RBKS: variants seen among roughly 807,000 people sequenced by gnomAD.
The protein encoded by RBKS is ribokinase.
In RBKS, 33 loss-of-function variants were observed where a neutral mutation model predicts 33.9. That is an observed-to-expected ratio of 0.97 (90% CI 0.74 to 1.30). The LOEUF is 1.30. Ranked by LOEUF, RBKS falls within the 50% of genes most tolerant of loss-of-function variation. RBKS has a pLI of 0.00. For synonymous variants in RBKS, 125 were observed against 143.0 expected (o/e 0.87, Z 0.90); for missense variants, 361 against 392.6 (o/e 0.92, Z 0.68).
intron 2 of RBKS, 27 bp from the exon 3 acceptor site, chr2:27,848,124 G>A (rs1410694313): frequency 7.8e-7 from 1 of 1,289,768 alleles, no homozygotes. Context: ...ATGAATATTA[G>A]ATCTTTTAGA....
In RBKS at chr2:27,818,338, A is replaced by G. The variant is rs910762802; in HGVS notation, c.795+9229T>C. 3.3e-4 allele frequency among the ~76,000 whole-genome samples: 50 copies of G among 152,178 alleles called. 1 individual carries two copies. Among genetic ancestry groups the G allele is most frequent in the Non-Finnish European group, 1.8e-4 (12 of 68,020 alleles). ...TGGCCGCTTCTGAAGATCTATAGAC[A>G]AGGAGCCTGTATCATGACAAGTGAC... On this transcript the variant is annotated intron_variant, in intron 7 of 7. Transcript: ENST00000302188.
intron 1 of RBKS, among the ~76,000 whole-genome samples, chr2:27,885,720 T>C (rs1222296529): frequency 1.3e-5 from 2 of 152,234 alleles, no homozygotes; most frequent in South Asian, 2.1e-4. Context: ...TAACTTACTA[T>C]GTAATTAACT....
At chr2:27,801,988 ATATATTTTTT>A (rs1239966209) in intron 7 of RBKS, among the ~76,000 whole-genome samples, 2 of 86,890 alleles carry the variant, frequency 2.3e-5, no homozygotes, top group Non-Finnish European at 2.0e-5. Flanking sequence ...ATATATATAT[ATATATTTTTT>A]TTTTTTTTTT....
At chr2:27,841,263 T>C (rs1300535701) in intron 5 of RBKS, among the ~76,000 whole-genome samples, 1 of 152,082 alleles carries the variant, frequency 6.6e-6, no homozygotes, top group Non-Finnish European at 1.5e-5. Flanking sequence ...CTTTCTCTCC[T>C]TCACAAGCAG....
At chr2:27,789,900 A>AGT (rs1029819436) in intron 7 of RBKS, among the ~76,000 whole-genome samples, 11 of 118,038 alleles carry the variant, frequency 9.3e-5, no homozygotes, top group South Asian at 5.1e-4. Context: ...GTGTGTATAG[A>AGT]GTGTGTGTGT....
intron 2 of RBKS, among the ~76,000 whole-genome samples, chr2:27,854,788 ATATAAT>A (rs1238616583): frequency 1.3e-5 from 2 of 149,852 alleles, no homozygotes; most frequent in South Asian, 2.1e-4. Flanking sequence ...CTTTACTGAG[ATATAAT>A]TATAATAAAA....
At chr2:27,799,013 T>A (rs1573036368) in intron 7 of RBKS, among the ~76,000 whole-genome samples, 1 of 152,296 alleles carries the variant, frequency 6.6e-6, no homozygotes, top group South Asian at 2.1e-4. Context: ...TCCTGAGACC[T>A]AGTGCAAGGC....
At chr2:27,814,775 G>A (rs1166856165) in intron 7 of RBKS, among the ~76,000 whole-genome samples, 3 of 152,064 alleles carry the variant, frequency 2.0e-5, no homozygotes, top group African/African-American at 7.2e-5. Context: ...CTAACCTCTG[G>A]ATCCCTTTGA....
At chr2:27,846,387 T>C (rs1414113160) in intron 4 of RBKS, among the ~76,000 whole-genome samples, 1 of 152,222 alleles carries the variant, frequency 6.6e-6, no homozygotes, top group Non-Finnish European at 1.5e-5. Flanking sequence ...CACTGCAGCC[T>C]TGAATTCCTG....
intron 7 of RBKS, among the ~76,000 whole-genome samples, chr2:27,822,159 A>G (rs1278707257): frequency 6.6e-6 from 1 of 152,356 alleles, no homozygotes; most frequent in South Asian, 2.1e-4. Context: ...GGCAGTACCC[A>G]TGCAAGAACT....
chr2:27,801,988 A>ATT (rs1558536532), intron 7 of RBKS, among the ~76,000 whole-genome samples: 6 of 86,888 alleles, frequency 6.9e-5, no homozygotes, highest in African/African-American at 3.4e-4. Context: ...ATATATATAT[A>ATT]TATATTTTTT....
intron 1 of RBKS, among the ~76,000 whole-genome samples, chr2:27,867,053 C>G (rs567792260): frequency 1.3e-5 from 2 of 149,736 alleles, no homozygotes; most frequent in South Asian, 4.2e-4. Flanking sequence ...GCAGTGAGCT[C>G]TGATTGCACC....
intron 5 of RBKS, among the ~76,000 whole-genome samples, chr2:27,840,597 T>C (rs1389336940): frequency 6.6e-6 from 1 of 152,060 alleles, no homozygotes; most frequent in Non-Finnish European, 1.5e-5. Context: ...CTCTTCTCTG[T>C]TTCTTGAGCA....
chr2:27,882,845 A>G (rs1233959712), intron 1 of RBKS, among the ~76,000 whole-genome samples: 1 of 152,320 alleles, frequency 6.6e-6, no homozygotes, highest in East Asian at 1.9e-4. Context: ...TAAATACTGC[A>G]TGTTCTTACT....
chr2:27,882,617 C>T (rs1664440981), intron 1 of RBKS, among the ~76,000 whole-genome samples: 1 of 152,172 alleles, frequency 6.6e-6, no homozygotes, highest in African/African-American at 2.4e-5. Flanking sequence ...GTAACAAAGA[C>T]ACATGCATGT....
chr2:27,889,784 T>C (rs866325265), intron 1 of RBKS, among the ~76,000 whole-genome samples: 1 of 152,212 alleles, frequency 6.6e-6, no homozygotes, highest in African/African-American at 2.4e-5. Context: ...CTCATTATTT[T>C]ATACAATAAG....
At chr2:27,854,581 T>A (rs1264926983) in intron 2 of RBKS, among the ~76,000 whole-genome samples, 1 of 152,228 alleles carries the variant, frequency 6.6e-6, no homozygotes, top group Non-Finnish European at 1.5e-5. Context: ...CTTTTATAGT[T>A]CTGGAAATTC....
intron 7 of RBKS, among the ~76,000 whole-genome samples, chr2:27,788,346 A>G (rs1259086136): frequency 2.0e-5 from 3 of 152,224 alleles, no homozygotes; most frequent in African/African-American, 7.2e-5. Context: ...AATCCTAAGA[A>G]GTCCAGCCAA....
chr2:27,781,924 C>T lies in RBKS; in HGVS notation c.796-136G>A, dbSNP rs533255974. ...AAGGTACAAGGATAATACAGAGTTT[C>T]CACGTACTCAGACCCAGTTCTGTTA... On this transcript the variant is annotated intron_variant, in intron 7 of 7. Transcript: ENST00000302188. The T allele has an allele frequency of 8.6e-5, 59 of 683,866 alleles. No homozygotes were observed. In the South Asian group the frequency reaches 1.0e-3, roughly 12 times the overall value. 42.4% of individuals were successfully genotyped at this position (683,866 alleles called of 1,614,324 possible).
Sources: gnomAD v4.1 joint callset for allele counts (sites outside exome capture counted in the v4.1 genomes callset) on GRCh38, gnomAD v4.1.1 for gene constraint, MANE v1.5 for transcripts, NCBI Gene and HGNC (gene_info 2026-07-23, HGNC 2026-07-21) for gene names.